Variants in PMFBP1 observed in about 807,000 individuals in gnomAD.
The protein encoded by PMFBP1 is polyamine modulated factor 1 binding protein 1.
PMFBP1 carries 131 observed loss-of-function variants against 137.8 expected under a neutral mutation model. The observed-to-expected ratio is 0.95, with a 90% CI of 0.82 to 1.10. The LOEUF (loss-of-function observed/expected upper bound fraction) is 1.10, where lower values mean the gene tolerates loss of function less well. PMFBP1 is among the 50% of genes least tolerant of loss of function. The pLI is 0.00. For missense variants in PMFBP1, 1,199 were observed against 1,175.4 expected (o/e 1.02, Z -0.29); for synonymous variants, 490 against 450.4 (o/e 1.09, Z -1.11).
chr16:72,221,331 T>G, the PMFBP1 span, among the ~76,000 whole-genome samples: 2 of 152,122 alleles, frequency 1.3e-5, no homozygotes, highest in African/African-American at 4.8e-5. Flanking sequence ...TAAAAATAAA[T>G]TAAGAAAAAT....
At position 72,122,939 on chromosome 16, in the gene PMFBP1, T is replaced by C. The variant is rs1283930398; in HGVS notation, c.2743A>G (p.Ile915Val). ...TCCTTTTCGCCACTCAGCTTGGCAA[T>C]GTATTTCACCTGCTCTCGGAGCTGG... ...GNQLREQVKY[I>V]AKLSGEKDHL... Residue 915 changes from isoleucine (I) to valine (V), a missense_variant, in exon 19 of 21, where the codon ATT becomes GTT. By Grantham distance (29) the Ile-to-Val change is conservative (BLOSUM62 3). Coordinates refer to ENST00000237353, the MANE Select transcript of PMFBP1 (RefSeq NM_031293.3). 1 of 1,613,386 alleles carries C rather than the reference T, an allele frequency of 6.2e-7. No individual in the cohort carries two copies. The highest frequency in any genetic ancestry group is 1.3e-5 in the African/African-American group (1 of 74,908).
the PMFBP1 span, among the ~76,000 whole-genome samples, chr16:72,246,763 G>T: frequency 6.6e-6 from 1 of 152,046 alleles, no homozygotes; most frequent in African/African-American, 2.4e-5. Context: ...TGAGGGCAGA[G>T]ACTATATTTA....
intron 5 of PMFBP1, among the ~76,000 whole-genome samples, chr16:72,148,600 G>A (rs2042851405): frequency 6.6e-6 from 1 of 152,096 alleles, no homozygotes; most frequent in African/African-American, 2.4e-5. Flanking sequence ...TACAGACTGG[G>A]AGAAAATATT....
intron 5 of PMFBP1, among the ~76,000 whole-genome samples, chr16:72,148,741 C>T (rs2042853368): frequency 1.3e-5 from 2 of 152,094 alleles, no homozygotes; most frequent in African/African-American, 4.8e-5. Context: ...ATCCATATGA[C>T]CAATATGCTT....
In PMFBP1 at chr16:72,123,024, C is replaced by T. The variant is rs569119121; in HGVS notation, c.2694-36G>A. On this transcript the variant is annotated intron_variant, in intron 18 of 20. Coordinates refer to ENST00000237353, the MANE Select transcript of PMFBP1 (RefSeq NM_031293.3). ...ATCACAGGAGAAAACAGCAGCCAGT[C>T]GCCAGCCTCCCGCGAGCAAGGGTGC... 7.6e-5 allele frequency: 120 copies of T among 1,584,778 alleles called. 1 individual carries two copies. In the South Asian group the frequency reaches 1.1e-3, roughly 14 times the overall value.
At chr16:72,219,955 C>T in the PMFBP1 span, among the ~76,000 whole-genome samples, 1 of 152,094 alleles carries the variant, frequency 6.6e-6, no homozygotes, top group African/African-American at 2.4e-5. Flanking sequence ...AAACATTACC[C>T]AAAGAGGGGA....
chr16:72,212,483 GAAA>G, the PMFBP1 span, among the ~76,000 whole-genome samples: 29 of 132,716 alleles, frequency 2.2e-4, no homozygotes, highest in South Asian at 7.0e-4. Flanking sequence ...GGTTGTATTG[GAAA>G]AAAAAAAAAA....
chr16:72,143,090 A>C (rs925173857), intron 5 of PMFBP1, among the ~76,000 whole-genome samples: 1 of 152,232 alleles, frequency 6.6e-6, no homozygotes, highest in Non-Finnish European at 1.5e-5. Context: ...TGATGGATAG[A>C]TGCTAATAAA....
chr16:72,182,708 C>A, the PMFBP1 span, among the ~76,000 whole-genome samples: 1 of 152,184 alleles, frequency 6.6e-6, no homozygotes, highest in Non-Finnish European at 1.5e-5. Context: ...CTATAATGAG[C>A]TACCTTGTGC....
intron 1 of PMFBP1, chr16:72,171,578 T>C (rs2043220920): frequency 3.7e-6 from 1 of 268,528 alleles, no homozygotes; most frequent in Non-Finnish European, 7.3e-6. Context: ...ATGTACTCTA[T>C]GGCTCAGATA....
intron 7 of PMFBP1, among the ~76,000 whole-genome samples, chr16:72,139,061 G>C (rs1288036930): frequency 1.3e-5 from 2 of 152,202 alleles, no homozygotes; most frequent in African/African-American, 4.8e-5. Flanking sequence ...TAGGTGTACT[G>C]TTAGAAGTGG....
upstream of PMFBP1, among the ~76,000 whole-genome samples, chr16:72,178,206 T>C (rs764201962): frequency 6.6e-6 from 1 of 152,194 alleles, no homozygotes; most frequent in Admixed American, 6.5e-5. Flanking sequence ...TTTGGGCAAG[T>C]GTGTCATACA....
chr16:72,130,406 G>C, intron 11 of PMFBP1, 49 bp from the exon 12 acceptor site: 2 of 1,612,568 alleles, frequency 1.2e-6, no homozygotes, highest in Non-Finnish European at 1.7e-6. Flanking sequence ...TGCCCATGTG[G>C]GCAGATTGTG....
Position 72,139,386 on chromosome 16 carries a change from T to C in PMFBP1, c.821A>G (p.Glu274Gly), listed in dbSNP as rs1260991344. Reference protein sequence around the residue: ...ACSNALVLEREKALIKLQADF... With the variant: ...ACSNALVLERGKALIKLQADF... ...GGCTTGTAGTTTTATCAAAGCCTTT[T>C]CACGCTCCAGAACCTGCAAATAAGC... Residue 274 changes from glutamate (E) to glycine (G), a missense_variant, in exon 7 of 21, where the codon GAA becomes GGA. Glu to Gly is a moderately conservative substitution (Grantham distance 98). Coordinates refer to ENST00000237353, the MANE Select transcript of PMFBP1 (RefSeq NM_031293.3). 1 of 1,613,788 alleles carries C rather than the reference T, an allele frequency of 6.2e-7. No homozygotes were observed. The highest frequency in any genetic ancestry group is 8.5e-7 in the Non-Finnish European group (1 of 1,179,876).
At chr16:72,165,850 T>C (rs1301120056) in intron 2 of PMFBP1, among the ~76,000 whole-genome samples, 3 of 152,182 alleles carry the variant, frequency 2.0e-5, no homozygotes, top group Non-Finnish European at 2.9e-5. Context: ...GGATGGAAAG[T>C]AGTGACTGAG....
chr16:72,164,615 G>A, intron 3 of PMFBP1, 149 bp downstream of exon 3: 1 of 1,212,208 alleles, frequency 8.2e-7, no homozygotes. Flanking sequence ...GTTGGGGTGT[G>A]TGTGTTTAAT....
rs770686702 is a variant in PMFBP1 at position 72,119,149 on chromosome 16, T to C, written c.*189A>G. On this transcript the variant is annotated 3_prime_UTR_variant, in exon 21 of 21. Transcript: ENST00000237353. ...GAGTTTGGGCCTGGAGATGGTAGTA[T>C]GGTTCTAAAGCTCACTCCATGGCAG... is the stretch of plus-strand genomic sequence containing the variant. 44 of 592,718 alleles carry C rather than the reference T, an allele frequency of 7.4e-5. No individual in the cohort carries two copies. The highest frequency in any genetic ancestry group is 1.1e-4 in the Non-Finnish European group (36 of 338,030). The allele number at this position is 592,718 out of a possible 1,614,324, so 36.7% of individuals were successfully genotyped here.
intron 5 of PMFBP1, 91 bp downstream of exon 5, chr16:72,150,517 G>T: frequency 7.9e-7 from 1 of 1,272,050 alleles, no homozygotes. Context: ...TAAAGGTTTG[G>T]GTTTCCAGTG....
chr16:72,197,715 C>T, the PMFBP1 span, among the ~76,000 whole-genome samples: 8 of 152,180 alleles, frequency 5.3e-5, no homozygotes, highest in Admixed American at 4.6e-4. Context: ...GGAGAGAGTG[C>T]AGCTCTTTCC....
Sources: gnomAD v4.1 joint callset for allele counts (sites outside exome capture counted in the v4.1 genomes callset) on GRCh38, gnomAD v4.1.1 for gene constraint, MANE v1.5 for transcripts, NCBI Gene and HGNC (gene_info 2026-07-23, HGNC 2026-07-21) for gene names.